Variants in LRRC7 observed in about 807,000 individuals in gnomAD.
LRRC7 encodes leucine-rich repeat-containing protein 7.
In LRRC7, 23 loss-of-function variants were observed where a neutral mutation model predicts 175.7. That is an observed-to-expected ratio of 0.13 (90% confidence interval 0.09 to 0.19). The LOEUF is 0.19. Among genes scored for constraint, LRRC7 ranks in the 10% least tolerant of loss-of-function variants. LRRC7 has a pLI of 1.00. For missense variants in LRRC7, 1,354 were observed against 1,904.7 expected, an observed-to-expected ratio of 0.71 and a Z score of 5.38; for synonymous variants, 685 against 680.9, an observed-to-expected ratio of 1.01 and a Z score of -0.09.
intron 1 of LRRC7, among the ~76,000 whole-genome samples, chr1:69,670,883 G>A (rs1658969412): frequency 6.6e-6 from 1 of 152,086 alleles, no homozygotes; most frequent in Non-Finnish European, 1.5e-5. Context: ...AATGCTGCCT[G>A]GCATGGGACT....
chr1:69,715,813 A>G (rs1665281449), intron 2 of LRRC7, among the ~76,000 whole-genome samples: 1 of 152,038 alleles, frequency 6.6e-6, no homozygotes, highest in East Asian at 1.9e-4. Context: ...TTTTACATTT[A>G]TTATTTAGTT....
intron 25 of LRRC7, among the ~76,000 whole-genome samples, chr1:70,098,570 C>A (rs1295734049): frequency 6.6e-6 from 1 of 151,254 alleles, no homozygotes; most frequent in African/African-American, 2.4e-5. Flanking sequence ...TGATAGACCG[C>A]TAGCAAGACT....
chr1:69,888,251 T>A (rs1645714234), intron 7 of LRRC7, among the ~76,000 whole-genome samples: 1 of 152,090 alleles, frequency 6.6e-6, no homozygotes, highest in South Asian at 2.1e-4. Context: ...CTCAGACTGC[T>A]GTGCTAGCAA....
chr1:69,811,823 G>A (rs1677914866), intron 4 of LRRC7, among the ~76,000 whole-genome samples: 1 of 152,126 alleles, frequency 6.6e-6, no homozygotes, highest in Admixed American at 6.6e-5. Flanking sequence ...TAATGTAGGT[G>A]ACAGGTTGAT....
intron 23 of LRRC7, among the ~76,000 whole-genome samples, chr1:70,068,914 T>TA (rs1363204478): frequency 6.6e-6 from 1 of 152,100 alleles, no homozygotes; most frequent in Non-Finnish European, 1.5e-5. Context: ...GATGGAGTCT[T>TA]ACTGTTTTGC....
intron 7 of LRRC7, among the ~76,000 whole-genome samples, chr1:69,877,948 T>C (rs1417888705): frequency 6.6e-6 from 1 of 152,004 alleles, no homozygotes; most frequent in Non-Finnish European, 1.5e-5. Flanking sequence ...GGATGTGGTG[T>C]GAGACTATCA....
chr1:69,748,407 C>A (rs141493550), intron 2 of LRRC7, among the ~76,000 whole-genome samples: 1 of 152,184 alleles, frequency 6.6e-6, no homozygotes, highest in African/African-American at 2.4e-5. Flanking sequence ...GATGAGACAA[C>A]TACATAGAAA....
intron 7 of LRRC7, among the ~76,000 whole-genome samples, chr1:69,889,166 T>G (rs1645754529): frequency 6.6e-6 from 1 of 152,200 alleles, no homozygotes; most frequent in Non-Finnish European, 1.5e-5. Flanking sequence ...GGGTCTTTCC[T>G]TGATGTTAGT....
chr1:69,870,858 A>T (rs1019615297), intron 7 of LRRC7, among the ~76,000 whole-genome samples: 1 of 152,110 alleles, frequency 6.6e-6, no homozygotes, highest in Non-Finnish European at 1.5e-5. Context: ...AAACACTTTA[A>T]CATATCAACA....
At chr1:70,103,056 CT>C (rs1186605817) in intron 25 of LRRC7, among the ~76,000 whole-genome samples, 1 of 151,976 alleles carries the variant, frequency 6.6e-6, no homozygotes, top group Non-Finnish European at 1.5e-5. Context: ...TGGCAAAACC[CT>C]GTCTCTACTA....
At chr1:69,628,442 A>G (rs564304168) in intron 1 of LRRC7, among the ~76,000 whole-genome samples, 1 of 152,312 alleles carries the variant, frequency 6.6e-6, no homozygotes, top group African/African-American at 2.4e-5. Flanking sequence ...GATCAATATT[A>G]GGAAAACTGC....
chr1:69,854,367 G>T (rs954483836), intron 7 of LRRC7, among the ~76,000 whole-genome samples: 3 of 152,116 alleles, frequency 2.0e-5, no homozygotes, highest in Non-Finnish European at 4.4e-5. Flanking sequence ...GCCAAGCCTT[G>T]TGATGTGTGC....
intron 7 of LRRC7, among the ~76,000 whole-genome samples, chr1:69,842,950 G>T (rs1240970513): frequency 6.6e-6 from 1 of 152,030 alleles, no homozygotes; most frequent in African/African-American, 2.4e-5. Flanking sequence ...TGTAATCCCA[G>T]CACTTTGGGA....
intron 8 of LRRC7, among the ~76,000 whole-genome samples, chr1:69,974,448 A>G (rs750354835): frequency 5.3e-4 from 80 of 152,364 alleles, no homozygotes; most frequent in Admixed American, 1.6e-3. Context: ...CTCAAAACCC[A>G]TTTATGAGAG....
At chr1:69,660,672 C>T (rs1657329077) in intron 1 of LRRC7, among the ~76,000 whole-genome samples, 1 of 151,854 alleles carries the variant, frequency 6.6e-6, no homozygotes, top group African/African-American at 2.4e-5. Flanking sequence ...GTGTAAAGGC[C>T]TAAGGTGGGA....
At position 70,129,492 on chromosome 1, in the gene LRRC7, G is replaced by A. The variant is rs531631865; in HGVS notation, c.*7605G>A. Among the ~76,000 whole-genome samples the A allele has an allele frequency of 2.0e-5, 3 of 152,130 alleles. No individual in the cohort carries two copies. The highest frequency in any genetic ancestry group is 2.1e-4 in the South Asian group (1 of 4,820). On this transcript the variant is annotated 3_prime_UTR_variant, in exon 27 of 27. Coordinates refer to ENST00000651989, the MANE Select transcript of LRRC7 (RefSeq NM_001370785.2). ...AGCACTGAGTCTGTATGCCCCTGAC[G>A]TTACGGGAGAAGGAGATGGAATTCA...
At chr1:69,952,827 G>T (rs1232796074) in intron 8 of LRRC7, among the ~76,000 whole-genome samples, 1 of 151,750 alleles carries the variant, frequency 6.6e-6, no homozygotes, top group Non-Finnish European at 1.5e-5. Flanking sequence ...CCTCCTACAT[G>T]CTGTGGGAGC....
chr1:69,593,079 ATTTG>A (rs1332256682), intron 1 of LRRC7, among the ~76,000 whole-genome samples: 1 of 152,088 alleles, frequency 6.6e-6, no homozygotes, highest in Non-Finnish European at 1.5e-5. Flanking sequence ...TCTAATTAAT[ATTTG>A]TTTAATTCTG....
At chr1:69,811,471 G>A (rs1337974836) in intron 4 of LRRC7, among the ~76,000 whole-genome samples, 6 of 152,048 alleles carry the variant, frequency 3.9e-5, no homozygotes, top group South Asian at 4.1e-4. Flanking sequence ...ACATGGACAC[G>A]TATGTTTATT....
Sources: gnomAD v4.1 joint callset for allele counts (sites outside exome capture counted in the v4.1 genomes callset) on GRCh38, gnomAD v4.1.1 for gene constraint, MANE v1.5 for transcripts, NCBI Gene and HGNC (gene_info 2026-07-23, HGNC 2026-07-21) for gene names.